The following PDGFC variants were observed in gnomAD, a reference collection of about 807,000 sequenced individuals.
PDGFC encodes platelet-derived growth factor C.
In PDGFC, 12 loss-of-function variants were observed where a neutral mutation model predicts 35.5. The ratio of observed to expected loss-of-function variants is 0.34; its 90% CI spans 0.22 to 0.55. The LOEUF (loss-of-function observed/expected upper bound fraction) is 0.55. PDGFC is among the 20% of genes least tolerant of loss of function. The probability of loss-of-function intolerance (pLI) is 0.91; values close to 1 mark genes in which losing one functional copy is unlikely to be tolerated. For synonymous variants in PDGFC, 159 were observed against 148.8 expected (o/e 1.07, Z -0.50); for missense variants, 322 against 412.4 (o/e 0.78, Z 1.90).
At chr4:156,933,522 G>C (rs1241078425) in intron 1 of PDGFC, among the ~76,000 whole-genome samples, 1 of 152,152 alleles carries the variant, frequency 6.6e-6, no homozygotes, top group African/African-American at 2.4e-5. Context: ...TTAGTGCTAG[G>C]TTGTTCTCAA....
At chr4:156,908,191 C>T (rs1304375114) in intron 1 of PDGFC, among the ~76,000 whole-genome samples, 1 of 151,950 alleles carries the variant, frequency 6.6e-6, no homozygotes, top group African/African-American at 2.4e-5. Context: ...AGCAGCTTTC[C>T]TTTATATCTC....
At chr4:156,801,919 A>G (rs1449570773) in intron 3 of PDGFC, among the ~76,000 whole-genome samples, 1 of 152,214 alleles carries the variant, frequency 6.6e-6, no homozygotes, top group African/African-American at 2.4e-5. Flanking sequence ...GCGACAGATA[A>G]AAGGTTAAAT....
intron 1 of PDGFC, among the ~76,000 whole-genome samples, chr4:156,937,667 A>G (rs1027841185): frequency 6.6e-6 from 1 of 152,170 alleles, no homozygotes; most frequent in Non-Finnish European, 1.5e-5. Flanking sequence ...TGCTACTGCA[A>G]CCTAACCTGG....
At chr4:156,773,844 T>C (rs894265887) in intron 3 of PDGFC, 1 of 152,202 alleles carries the variant, frequency 6.6e-6, no homozygotes, top group Non-Finnish European at 1.5e-5. Context: ...CTTTCACTTA[T>C]GCACATGGAA....
intron 1 of PDGFC, among the ~76,000 whole-genome samples, chr4:156,925,387 T>C (rs1217295519): frequency 2.0e-5 from 3 of 151,934 alleles, no homozygotes; most frequent in African/African-American, 4.8e-5. Context: ...GTAGTGGTGG[T>C]GGTAGTCAAT....
chr4:156,862,005 T>C (rs539201032), intron 1 of PDGFC, among the ~76,000 whole-genome samples: 9 of 152,112 alleles, frequency 5.9e-5, no homozygotes, highest in Non-Finnish European at 4.4e-5. Flanking sequence ...CTCCCGATGG[T>C]GAGTTAAAGA....
chr4:156,809,821 A>C (rs1227111050), intron 3 of PDGFC, among the ~76,000 whole-genome samples: 1 of 151,974 alleles, frequency 6.6e-6, no homozygotes, highest in Non-Finnish European at 1.5e-5. Flanking sequence ...ATATAGACAG[A>C]AGTTCATTTA....
chr4:156,839,977 T>C (rs549901839), intron 2 of PDGFC, among the ~76,000 whole-genome samples: 20 of 152,250 alleles, frequency 1.3e-4, no homozygotes, highest in Non-Finnish European at 2.6e-4. Context: ...GTGGAAAACA[T>C]TTCTAAGCAG....
At chr4:156,823,591 A>C (rs997281589) in intron 2 of PDGFC, among the ~76,000 whole-genome samples, 8 of 152,234 alleles carry the variant, frequency 5.3e-5, no homozygotes, top group South Asian at 2.1e-4. Flanking sequence ...AAAATACAAT[A>C]GTGTGAGTTT....
At chr4:156,889,764 C>T (rs545047030) in intron 1 of PDGFC, among the ~76,000 whole-genome samples, 7 of 152,068 alleles carry the variant, frequency 4.6e-5, no homozygotes, top group Non-Finnish European at 8.8e-5. Flanking sequence ...CTAATCTTGT[C>T]GGTTGCCCAA....
At chr4:156,817,966 G>C (rs899048538) in intron 2 of PDGFC, among the ~76,000 whole-genome samples, 3 of 151,200 alleles carry the variant, frequency 2.0e-5, no homozygotes. Context: ...GGCTGAGGCA[G>C]GAGAATTGCT....
chr4:156,840,741 G>A (rs1428197950), intron 2 of PDGFC, among the ~76,000 whole-genome samples: 1 of 152,180 alleles, frequency 6.6e-6, no homozygotes, highest in Admixed American at 6.5e-5. Context: ...AAAGCCACAG[G>A]GGCAGAGCTG....
chr4:156,891,405 C>A (rs542603172), intron 1 of PDGFC, among the ~76,000 whole-genome samples: 4 of 148,072 alleles, frequency 2.7e-5, no homozygotes, highest in Non-Finnish European at 5.9e-5. Flanking sequence ...TGTTGTTTTG[C>A]AGCATGTGCC....
At chr4:156,937,610 G>A (rs79250396) in intron 1 of PDGFC, among the ~76,000 whole-genome samples, 3,176 of 152,180 alleles carry the variant, frequency 0.021, 61 homozygotes, top group Non-Finnish European at 0.029. Context: ...TGAGGTGGGA[G>A]GATCACATGA....
chr4:156,956,555 G>A (rs567987306), intron 1 of PDGFC, among the ~76,000 whole-genome samples: 29 of 152,026 alleles, frequency 1.9e-4, no homozygotes, highest in Admixed American at 2.6e-4. Flanking sequence ...TGGGTGACAC[G>A]GCATTGGAAA....
intron 1 of PDGFC, among the ~76,000 whole-genome samples, chr4:156,960,785 T>C (rs1009621700): frequency 2.0e-5 from 3 of 152,192 alleles, no homozygotes; most frequent in African/African-American, 7.2e-5. Context: ...GAAATTCATC[T>C]AAATTTTATC....
chr4:156,951,840 C>A (rs1035943748), intron 1 of PDGFC, among the ~76,000 whole-genome samples: 1 of 151,582 alleles, frequency 6.6e-6, no homozygotes, highest in Non-Finnish European at 1.5e-5. Flanking sequence ...CTCCAATATG[C>A]TCCACATACA....
At chr4:156,835,114 C>T (rs186004719) in intron 2 of PDGFC, among the ~76,000 whole-genome samples, 400 of 152,160 alleles carry the variant, frequency 2.6e-3, no homozygotes, top group Non-Finnish European at 4.6e-3. Context: ...AGTGACATTT[C>T]CAGAAAATTG....
At chr4:156,955,350 T>A (rs559661311) in intron 1 of PDGFC, among the ~76,000 whole-genome samples, 63 of 152,052 alleles carry the variant, frequency 4.1e-4, no homozygotes, top group African/African-American at 1.5e-3. Flanking sequence ...AAAACAATTA[T>A]ATATTTGAAA....
Sources: allele counts gnomAD v4.1 joint callset (sites outside exome capture counted in the v4.1 genomes callset), GRCh38; gene constraint gnomAD v4.1.1; transcripts MANE v1.5; gene names NCBI Gene and HGNC (gene_info 2026-07-23, HGNC 2026-07-21).